The following FMO2 variants were observed in gnomAD, a reference collection of about 807,000 sequenced individuals.
The protein encoded by FMO2 is flavin-containing monooxygenase 2.
In FMO2, 33 loss-of-function variants were observed where a neutral mutation model predicts 41.6. The ratio of observed to expected loss-of-function variants is 0.79; its 90% confidence interval spans 0.60 to 1.06. The LOEUF (loss-of-function observed/expected upper bound fraction) is 1.06, where lower values mean the gene tolerates loss of function less well. Among genes scored for constraint, FMO2 ranks in the 50% least tolerant of loss-of-function variants. The pLI is 0.00. For missense variants in FMO2, 619 were observed against 632.9 expected (o/e 0.98, Z 0.23); for synonymous variants, 214 against 219.6 (o/e 0.97, Z 0.23).
At position 171,209,006 on chromosome 1, in the gene FMO2, C is replaced by T. The variant is rs574813273; in HGVS notation, c.1469C>T (p.Thr490Ile). ...GAAGGAGCCAGAAATGCCATCTTCA[C>T]CCAGAAACAAAGAATACTGAAGCCA... ...QWEGARNAIF[T>I]QKQRILKPLK... The change falls in exon 9 of 9, where the codon ACC becomes ATC. Residue 490 changes from threonine to isoleucine, a missense_variant. Coordinates refer to ENST00000209929, the MANE Select transcript of FMO2 (RefSeq NM_001460.5). The T allele has an allele frequency of 4.5e-6, 7 of 1,551,538 alleles. No individual in the cohort carries two copies. The East Asian group carries it at 1.4e-4, about 30-fold the overall frequency.
Position 171,190,492 on chromosome 1 carries a change from CCT to C in FMO2, c.133-2840_133-2839del, listed in dbSNP as rs569483631. Among the ~76,000 whole-genome samples, 31 of 152,236 alleles carry C rather than the reference CCT, an allele frequency of 2.0e-4. No individual in the cohort carries two copies. In the South Asian group the frequency reaches 6.2e-3, roughly 31 times the overall value. ...AAATTTATCTGTTTTGAAAACTGTG[CCT>C]CTGTCCTCCTCTTGATTGACAATAA... is the stretch of plus-strand genomic sequence containing the variant. On this transcript the variant is annotated intron_variant, in intron 2 of 8. Coordinates refer to ENST00000209929, the MANE Select transcript of FMO2 (RefSeq NM_001460.5).
In FMO2 at chr1:171,204,022, G is replaced by A. The variant is rs552554734; in HGVS notation, c.785G>A (p.Arg262Gln). The A allele has an allele frequency of 5.0e-6, 8 of 1,613,634 alleles. No individual in the cohort carries two copies. The highest frequency in any genetic ancestry group is 6.8e-6 in the Non-Finnish European group (8 of 1,179,722). ...TGGATGATAGAACAACAGATGAATCGGTGGTTCAACCATGAAAATTATGGC... is the reference window on the plus strand; with the variant it reads ...TGGATGATAGAACAACAGATGAATCAGTGGTTCAACCATGAAAATTATGGC... ...VKWMIEQQMNRWFNHENYGLE... is the reference protein window; with the variant it reads ...VKWMIEQQMNQWFNHENYGLE... Residue 262 changes from arginine (R) to glutamine (Q), a missense_variant, in exon 6 of 9, where the codon CGG becomes CAG. Physicochemically the swap from Arg to Gln is conservative, Grantham distance 43. Coordinates refer to ENST00000209929, the MANE Select transcript of FMO2 (RefSeq NM_001460.5).
intron 4 of FMO2, among the ~76,000 whole-genome samples, chr1:171,197,855 T>C (rs548039823): frequency 5.9e-5 from 9 of 152,202 alleles, no homozygotes; most frequent in Non-Finnish European, 1.2e-4. Flanking sequence ...GCCTTGGGAC[T>C]CTTCAGAGTC....
chr1:171,209,683 C>T lies in FMO2; in HGVS notation c.*538C>T, dbSNP rs539438119. ...ATAGATTTAGAAAACATCAGTGATG[C>T]TCAGATAAACTTTTAGGACCTCATA... On this transcript the variant is annotated 3_prime_UTR_variant, in exon 9 of 9. Coordinates refer to ENST00000209929, the MANE Select transcript of FMO2 (RefSeq NM_001460.5). 2.0e-5 allele frequency: 3 copies of T among 152,248 alleles called. No individual in the cohort carries two copies. The highest frequency in any genetic ancestry group is 2.1e-4 in the South Asian group (1 of 4,830). The allele number at this position is 152,248 out of a possible 1,614,324, so 9.4% of individuals were successfully genotyped here.
intron 4 of FMO2, among the ~76,000 whole-genome samples, chr1:171,198,993 C>T (rs1658414711): frequency 6.6e-6 from 1 of 152,096 alleles, no homozygotes; most frequent in Non-Finnish European, 1.5e-5. Flanking sequence ...TTCTTTACTT[C>T]CCAAGCTCAA....
intron 3 of FMO2, among the ~76,000 whole-genome samples, chr1:171,194,373 C>G (rs530893589): frequency 6.6e-6 from 1 of 152,260 alleles, no homozygotes; most frequent in South Asian, 2.1e-4. Flanking sequence ...TCAAAATCAA[C>G]AAAAAGCAAT....
intron 2 of FMO2, among the ~76,000 whole-genome samples, chr1:171,187,432 T>C (rs1446247349): frequency 6.6e-6 from 1 of 152,100 alleles, no homozygotes; most frequent in Non-Finnish European, 1.5e-5. Context: ...TTGAATCTCA[T>C]GCCAACAGCG....
intron 6 of FMO2, 92 bp downstream of exon 6, chr1:171,204,156 C>A (rs1008575679): frequency 1.1e-6 from 1 of 885,480 alleles, no homozygotes; most frequent in South Asian, 1.5e-5. Flanking sequence ...ATTGCTAACA[C>A]GGTAGTTAAA....
At position 171,203,356 on chromosome 1, in the gene FMO2, CACAA is replaced by C. The variant is rs1658617017; in HGVS notation, c.628-507_628-504del. On this transcript the variant is annotated intron_variant, in intron 5 of 8. Transcript: ENST00000209929. ...ACACACACACACACACACACACACA[CACAA>C]AATAAAGTCTTTTAAGTATGGAAGG... 2.0e-5 allele frequency among the ~76,000 whole-genome samples: 3 copies of C among 148,390 alleles called. No individual in the cohort carries two copies. In the South Asian group the frequency reaches 6.7e-4, roughly 33 times the overall value.
chr1:171,194,766 ATAAC>A (rs1361689592), intron 3 of FMO2, among the ~76,000 whole-genome samples: 1 of 151,808 alleles, frequency 6.6e-6, no homozygotes, highest in African/African-American at 2.4e-5. Context: ...CTCAAAGTAA[ATAAC>A]TAACATTTCT....
At chr1:171,193,546 G>T (rs751186592) in intron 3 of FMO2, 23 bp downstream of exon 3, 2 of 1,476,410 alleles carry the variant, frequency 1.4e-6, no homozygotes, top group Non-Finnish European at 1.9e-6. Context: ...TGGGGAAATG[G>T]GTTTCTCTGC....
chr1:171,189,746 T>G (rs923157410), intron 2 of FMO2, among the ~76,000 whole-genome samples: 5 of 140,466 alleles, frequency 3.6e-5, no homozygotes, highest in Non-Finnish European at 1.5e-5. Flanking sequence ...GCAACCTCCA[T>G]CCCCCGGGTT....
intron 5 of FMO2, among the ~76,000 whole-genome samples, chr1:171,201,804 G>T (rs568937525): frequency 2.0e-5 from 3 of 148,244 alleles, no homozygotes; most frequent in Admixed American, 6.9e-5. Flanking sequence ...ACCTCTTTAC[G>T]AGGCTGCAGG....
At chr1:171,207,879 T>A (rs1414899311) in intron 8 of FMO2, 89 bp downstream of exon 8, 2 of 844,870 alleles carry the variant, frequency 2.4e-6, no homozygotes, top group Non-Finnish European at 3.9e-6. Flanking sequence ...AGCTGCCTGA[T>A]AAAATGCAAA....
At position 171,209,485 on chromosome 1, in the gene FMO2, A is replaced by G. The variant is rs1004577840; in HGVS notation, c.*340A>G. The G allele has an allele frequency of 5.3e-5, 10 of 188,230 alleles. No homozygotes were observed. The highest frequency in any genetic ancestry group is 1.1e-4 in the Non-Finnish European group (10 of 92,838). 11.7% of individuals were successfully genotyped at this position (188,230 alleles called of 1,614,324 possible). Reference sequence around the variant, plus strand: ...AATTACACAGCATGAAAAGCAGCCCATGGTTTAAATTATTGGACAATTTAA... The same window carrying G: ...AATTACACAGCATGAAAAGCAGCCCGTGGTTTAAATTATTGGACAATTTAA... On this transcript the variant is annotated 3_prime_UTR_variant, in exon 9 of 9. Coordinates refer to ENST00000209929, the MANE Select transcript of FMO2 (RefSeq NM_001460.5).
Position 171,193,436 on chromosome 1 carries a change from T to C in FMO2, c.234T>C (p.Phe78=). 1 of 1,612,430 alleles carries C rather than the reference T, an allele frequency of 6.2e-7. No individual in the cohort carries two copies. The highest frequency in any genetic ancestry group is 1.1e-5 in the South Asian group (1 of 91,018). Residue 78 remains phenylalanine (F), a synonymous_variant, in exon 3 of 9, where the codon TTT becomes TTC. Coordinates refer to ENST00000209929, the MANE Select transcript of FMO2 (RefSeq NM_001460.5). ...CFSDFPMPED[F]PNFLHNSKLL... Reference sequence around the variant, plus strand: ...GTGACTTTCCAATGCCTGAAGATTTTCCAAACTTCCTGCATAATTCTAAAC... The same window carrying C: ...GTGACTTTCCAATGCCTGAAGATTTCCCAAACTTCCTGCATAATTCTAAAC...
Position 171,211,290 on chromosome 1 carries a change from G to A in FMO2, c.*2145G>A, listed in dbSNP as rs1658970857. 1 of 152,018 alleles carries A rather than the reference G, an allele frequency of 6.6e-6. No homozygotes were observed. Among genetic ancestry groups the A allele is most frequent in the Non-Finnish European group, 1.5e-5 (1 of 67,996 alleles). The allele number at this position is 152,018 out of a possible 1,614,324, so 9.4% of individuals were successfully genotyped here. On this transcript the variant is annotated 3_prime_UTR_variant, in exon 9 of 9. Transcript: ENST00000209929. ...GCTTTCAAGCTACAATTGTAGAGTT[G>A]GGTAGTCGCAACAGAATCTCTGTGG...
In FMO2 at chr1:171,205,635, G is replaced by C. The variant is rs781726646; in HGVS notation, c.1183+1G>C. 1.3e-6 allele frequency: 2 copies of C among 1,594,322 alleles called. No homozygotes were observed. Among genetic ancestry groups the C allele is most frequent in the African/African-American group, 2.7e-5 (2 of 74,190 alleles). On this transcript the variant is annotated splice_donor_variant, in intron 7 of 8. Transcript: ENST00000209929. LOFTEE classifies it high-confidence loss of function. ...CGTTGGGTGACAAGAGTTTTCAAAGGTAAGTGTGTAGGCAGGTGAGTGGCT... is the reference window on the plus strand; with the variant it reads ...CGTTGGGTGACAAGAGTTTTCAAAGCTAAGTGTGTAGGCAGGTGAGTGGCT...
chr1:171,201,460 A>T (rs547861343), intron 5 of FMO2, among the ~76,000 whole-genome samples: 4 of 152,304 alleles, frequency 2.6e-5, no homozygotes, highest in African/African-American at 7.2e-5. Context: ...TGAAAAGACT[A>T]ACCAGAGACT....
Sources: gnomAD v4.1 joint callset for allele counts (sites outside exome capture counted in the v4.1 genomes callset) on GRCh38, gnomAD v4.1.1 for gene constraint, MANE v1.5 for transcripts, NCBI Gene and HGNC (gene_info 2026-07-23, HGNC 2026-07-21) for gene names.